Variants in CORO7 observed in about 807,000 individuals in gnomAD.
CORO7 encodes the protein coronin-7.
A neutral mutation model predicts 126.6 loss-of-function variants in CORO7; 107 were observed. The observed-to-expected ratio is 0.85, with a 90% CI of 0.72 to 0.99. The LOEUF (loss-of-function observed/expected upper bound fraction) is 0.99. CORO7 is among the 50% of genes least tolerant of loss of function. The pLI is 0.00. For missense variants in CORO7, 1,314 were observed against 1,255.8 expected, an observed-to-expected ratio of 1.05 and a Z score of -0.70; for synonymous variants, 603 against 536.8, an observed-to-expected ratio of 1.12 and a Z score of -1.70.
At chr16:4,359,003 C>T (rs1339516231) in intron 23 of CORO7, 7 of 482,940 alleles carry the variant, frequency 1.4e-5, no homozygotes, top group Non-Finnish European at 2.2e-5. Context: ...TCTTGAACTC[C>T]TGGGCTCAAG....
At chr16:4,409,099 C>T (rs1237373756) in intron 3 of CORO7, among the ~76,000 whole-genome samples, 1 of 152,012 alleles carries the variant, frequency 6.6e-6, no homozygotes, top group Non-Finnish European at 1.5e-5. Flanking sequence ...TGGAGGGTGG[C>T]GGGGTTTCGG....
At chr16:4,360,815 C>A in intron 19 of CORO7, 128 bp downstream of exon 19, 1 of 1,499,184 alleles carries the variant, frequency 6.7e-7, no homozygotes, top group Non-Finnish European at 8.9e-7. Flanking sequence ...GCTGGCCCCA[C>A]CCCTCCTCGC....
intron 7 of CORO7, among the ~76,000 whole-genome samples, chr16:4,391,451 G>A (rs565159060): frequency 1.1e-4 from 17 of 152,226 alleles, no homozygotes; most frequent in African/African-American, 4.1e-4. Context: ...AGCTACTCGG[G>A]AGGCTGAGGC....
chr16:4,405,379 C>A, intron 6 of CORO7, 112 bp downstream of exon 6: 2 of 1,232,984 alleles, frequency 1.6e-6, no homozygotes, highest in Non-Finnish European at 2.2e-6. Context: ...ACCATCCTGA[C>A]CTCAGTGCTC....
chr16:4,374,303 G>A (rs1460574309), intron 9 of CORO7, among the ~76,000 whole-genome samples: 4 of 152,096 alleles, frequency 2.6e-5, no homozygotes, highest in South Asian at 2.1e-4. Flanking sequence ...TTCCCTCCGC[G>A]CTGGGCCGCC....
chr16:4,407,319 G>A (rs1279222272), intron 5 of CORO7, among the ~76,000 whole-genome samples, 182 bp downstream of exon 5: 2 of 151,866 alleles, frequency 1.3e-5, no homozygotes, highest in Admixed American at 1.3e-4. Flanking sequence ...TGATGGCTAC[G>A]GAGAGCAAAG....
intron 7 of CORO7, among the ~76,000 whole-genome samples, chr16:4,393,906 C>T (rs1322189795): frequency 2.0e-5 from 3 of 152,154 alleles, no homozygotes; most frequent in Admixed American, 2.0e-4. Flanking sequence ...CGAGACCAGC[C>T]TGACCAACAT....
At chr16:4,386,331 G>C (rs956886746) in intron 9 of CORO7, among the ~76,000 whole-genome samples, 1 of 152,246 alleles carries the variant, frequency 6.6e-6, no homozygotes, top group African/African-American at 2.4e-5. Context: ...CACTGGGGCC[G>C]GGCAGGAGAC....
At chr16:4,361,847 TGGGA>T (rs2054190466) in intron 16 of CORO7, 134 bp downstream of exon 16, 1 of 1,361,820 alleles carries the variant, frequency 7.3e-7, no homozygotes, top group Non-Finnish European at 1.0e-6. Flanking sequence ...GGCAGGTGGC[TGGGA>T]GGATCACAGG....
intron 1 of CORO7, chr16:4,414,318 G>C (rs2056328853): frequency 6.6e-6 from 1 of 152,206 alleles, no homozygotes; most frequent in East Asian, 1.9e-4. Flanking sequence ...TTTCCACAAA[G>C]TCTCATAAGT....
chr16:4,365,634 C>T, intron 9 of CORO7, 89 bp from the exon 10 acceptor site: 1 of 1,510,338 alleles, frequency 6.6e-7, no homozygotes, highest in Non-Finnish European at 8.9e-7. Flanking sequence ...ACAGGCACCA[C>T]AGTGACTGGG....
chr16:4,358,301 G>T (rs752203304), intron 24 of CORO7, 66 bp downstream of exon 24: 2 of 1,574,126 alleles, frequency 1.3e-6, no homozygotes, highest in East Asian at 2.3e-5. Flanking sequence ...GGTCAGACGG[G>T]ACCCAAACTC....
chr16:4,362,775 G>C lies in CORO7; in HGVS notation c.1276-37C>G. Reference sequence around the variant, plus strand: ...CATGGGGTCAGCCAGCCTGCTCCTAGGTGTACTGGCCAAAAGGAGGGGGTG... The same window carrying C: ...CATGGGGTCAGCCAGCCTGCTCCTACGTGTACTGGCCAAAAGGAGGGGGTG... On this transcript the variant is annotated intron_variant, in intron 14 of 27. Coordinates refer to ENST00000251166, the MANE Select transcript of CORO7 (RefSeq NM_024535.5). The surrounding 1 kb of genome is among the most constrained non-coding windows in gnomAD (Gnocchi z 5.3). 1.5e-6 allele frequency: 2 copies of C among 1,323,618 alleles called. No individual in the cohort carries two copies. Among genetic ancestry groups the C allele is most frequent in the Non-Finnish European group, 1.9e-6 (2 of 1,032,856 alleles). 82.0% of individuals were successfully genotyped at this position (1,323,618 alleles called of 1,614,324 possible). A position where few individuals can be genotyped will look rare whatever the true frequency, so the allele number is the denominator to read the frequency against.
chr16:4,398,534 C>T (rs1350067783), intron 6 of CORO7, among the ~76,000 whole-genome samples: 4 of 151,862 alleles, frequency 2.6e-5, no homozygotes, highest in African/African-American at 7.3e-5. Flanking sequence ...GGCGTGGTGG[C>T]GTGCACCTGT....
In CORO7 at chr16:4,355,161, G is replaced by A. The variant is rs1219271320; in HGVS notation, c.2775C>T (p.Asp925=). The change falls in exon 28 of 28, where the codon GAC becomes GAT. Residue 925 remains aspartate (D), a splice_region_variant and synonymous_variant. Coordinates refer to ENST00000251166, the MANE Select transcript of CORO7 (RefSeq NM_024535.5). ...GTGGAGGTGACGGGGGCGCAGGCTA[G>A]TCCTGGGGCGAAACACCAAGAGGTG... ...SFEGVDEDEW[D] The A allele has an allele frequency of 6.5e-7, 1 of 1,532,142 alleles. No homozygotes were observed. Among genetic ancestry groups the A allele is most frequent in the African/African-American group, 1.4e-5 (1 of 73,650 alleles). 94.9% of individuals were successfully genotyped at this position (1,532,142 alleles called of 1,614,324 possible).
Position 4,388,048 on chromosome 16 carries a change from C to T in CORO7, c.723G>A (p.Lys241=). The T allele has an allele frequency of 1.2e-6, 2 of 1,612,958 alleles. No homozygotes were observed. Among genetic ancestry groups the T allele is most frequent in the Non-Finnish European group, 8.5e-7 (1 of 1,179,834 alleles). The change falls in exon 9 of 28, where the codon AAG becomes AAA. Residue 241 remains lysine, a synonymous_variant. Coordinates refer to ENST00000251166, the MANE Select transcript of CORO7 (RefSeq NM_024535.5). ...GFNQMREREV[K]LWDTRFFSSA... ...TGGAGAAGAACCGCGTGTCCCACAG[C>T]TTCACTTCGCGCTCACGCATCTGCA...
At chr16:4,374,768 C>T (rs997729972) in intron 9 of CORO7, among the ~76,000 whole-genome samples, 1 of 152,024 alleles carries the variant, frequency 6.6e-6, no homozygotes. Context: ...GTGGGGGGTT[C>T]GGCATGGGGA....
At chr16:4,367,869 C>T (rs1055162905) in intron 9 of CORO7, among the ~76,000 whole-genome samples, 1 of 151,742 alleles carries the variant, frequency 6.6e-6, no homozygotes, top group Admixed American at 6.6e-5. Flanking sequence ...CTCCAGTGGA[C>T]GAGCAATGAA....
Position 4,416,525 on chromosome 16 carries a change from G to A in CORO7, c.-7C>T, listed in dbSNP as rs375292869. 3.8e-6 allele frequency: 6 copies of A among 1,572,480 alleles called. No homozygotes were observed. Among genetic ancestry groups the A allele is most frequent in the South Asian group, 1.1e-5 (1 of 87,000 alleles). On this transcript the variant is annotated 5_prime_UTR_variant, in exon 1 of 28. Coordinates refer to ENST00000251166, the MANE Select transcript of CORO7 (RefSeq NM_024535.5). ...ACACCCTGAAGCGGTTCATGGCGAC[G>A]GGCACGGCGGCGGACGCGTCTTCGA...
Sources: allele counts gnomAD v4.1 joint callset (sites outside exome capture counted in the v4.1 genomes callset), GRCh38; gene constraint gnomAD v4.1.1; non-coding constraint Gnocchi (gnomAD v3.1); transcripts MANE v1.5; gene names NCBI Gene and HGNC (gene_info 2026-07-23, HGNC 2026-07-21).